The following NSUN5 variants were observed in gnomAD, a reference collection of about 807,000 sequenced individuals.
NSUN5 encodes NOP2/Sun RNA methyltransferase 5.
In NSUN5, 39 loss-of-function variants were observed where a neutral mutation model predicts 51.1. The ratio of observed to expected loss-of-function variants is 0.76; its 90% confidence interval spans 0.59 to 1.00. NSUN5 has a LOEUF of 1.00. NSUN5 is among the 50% of genes least tolerant of loss of function. The pLI, the probability that NSUN5 is intolerant of heterozygous loss-of-function variation, is 0.00. For synonymous variants in NSUN5, 266 were observed against 271.5 expected (o/e 0.98, Z 0.20); for missense variants, 526 against 614.0 (o/e 0.86, Z 1.51).
intron 7 of NSUN5, 47 bp from the exon 8 acceptor site, chr7:73,304,083 G>C: frequency 6.3e-7 from 1 of 1,598,970 alleles, no homozygotes; most frequent in Non-Finnish European, 8.6e-7. Context: ...GGCTACCTCA[G>C]TCCTGAAATC....
In NSUN5 at chr7:73,308,723, C is replaced by G. The variant is rs781948888; in HGVS notation, c.68G>C (p.Gly23Ala). 6.2e-7 allele frequency: 1 copy of G among 1,612,296 alleles called. No individual in the cohort carries two copies. Among genetic ancestry groups the G allele is most frequent in the Non-Finnish European group, 8.5e-7 (1 of 1,179,774 alleles). The change falls in exon 1 of 10, where the codon GGG (glycine) becomes GCG (alanine). Residue 23 changes from glycine to alanine, a missense_variant. Coordinates refer to ENST00000438747, the MANE Select transcript of NSUN5 (RefSeq NM_148956.4). ...GVESRQGSIK[G>A]LVYSSNFQNV... ...CTGGAAGTTGCTGGAGTACACCAAC[C>G]CCTTGATAGAGCCCTGGCGGCTCTC...
rs1563292596 is a variant in NSUN5, at chr7:73,307,692, C to G, written c.282G>C (p.Leu94=). ...FRGGGGRWKA[L]LGRHQARLKA... The stretch of plus-strand genomic sequence containing the variant: ...TGAGCCTCGCCTGGTGCCGGCCCAA[C>G]AGAGCCTTCCATCGGCCCCCACCCC... The change falls in exon 3 of 10, where the codon CTG becomes CTC. Residue 94 remains leucine, a synonymous_variant. Transcript: ENST00000438747. 1 of 1,609,132 alleles carries G rather than the reference C, an allele frequency of 6.2e-7. No homozygotes were observed. The highest frequency in any genetic ancestry group is 1.1e-5 in the South Asian group (1 of 90,510).
intron 6 of NSUN5, 103 bp from the exon 7 acceptor site, chr7:73,304,511 G>A (rs1304695095): frequency 1.0e-4 from 121 of 1,192,892 alleles, no homozygotes; most frequent in Non-Finnish European, 1.4e-4. Context: ...ATATTGAAAC[G>A]GCCTACGTTT....
Position 73,304,736 on chromosome 7 carries a change from G to A in NSUN5, c.755+11C>T, listed in dbSNP as rs1554541525. The A allele has an allele frequency of 2.5e-6, 4 of 1,583,206 alleles. No homozygotes were observed. In the South Asian group the frequency reaches 4.4e-5, roughly 18 times the overall value. Reference sequence around the variant, plus strand: ...AACCCCATGTCCTCCTCCTCCTCCTGTGGCACTCACCCTTGGTTCTTCAGA... The same window carrying A: ...AACCCCATGTCCTCCTCCTCCTCCTATGGCACTCACCCTTGGTTCTTCAGA... On this transcript the variant is annotated intron_variant, in intron 6 of 9. Coordinates refer to ENST00000438747, the MANE Select transcript of NSUN5 (RefSeq NM_148956.4).
rs1804144634 is a variant in NSUN5 at position 73,308,559 on chromosome 7, T to C, written c.94-6A>G. 1.9e-6 allele frequency: 3 copies of C among 1,595,510 alleles called. No individual in the cohort carries two copies. Among genetic ancestry groups the C allele is most frequent in the Admixed American group, 1.7e-5 (1 of 59,528 alleles). Reference sequence around the variant, plus strand: ...GCGTACAGCTGCTTCACGTTCTGTGTGGCCGAGGAAGACAAGCTGGGTGGG... The same window carrying C: ...GCGTACAGCTGCTTCACGTTCTGTGCGGCCGAGGAAGACAAGCTGGGTGGG... On this transcript the variant is annotated splice_polypyrimidine_tract_variant and splice_region_variant and intron_variant, in intron 1 of 9. Transcript: ENST00000438747.
In NSUN5 at chr7:73,304,412, G is replaced by A. The variant is rs1803949971; in HGVS notation, c.756-4C>T. On this transcript the variant is annotated splice_polypyrimidine_tract_variant and splice_region_variant and intron_variant, in intron 6 of 9. Transcript: ENST00000438747. ...CAGGTCAAAGGCAAAGATCTTCCTA[G>A]GGCAAAGCAGGGGTGAGCTGAGCAC... 6.2e-7 allele frequency: 1 copy of A among 1,607,718 alleles called. No individual in the cohort carries two copies. Among genetic ancestry groups the A allele is most frequent in the Non-Finnish European group, 8.5e-7 (1 of 1,176,774 alleles).
chr7:73,308,430 C>T lies in NSUN5; in HGVS notation c.216+1G>A. On this transcript the variant is annotated splice_donor_variant, in intron 2 of 9. Transcript: ENST00000438747. LOFTEE classifies it high-confidence loss of function. ...CTTCCCCGTCCCTCCCCTCCCCTCA[C>T]CTTGGCCAGGTGCGGCCGCAGCTTC... 1.3e-6 allele frequency: 2 copies of T among 1,599,582 alleles called. No homozygotes were observed. The highest frequency in any genetic ancestry group is 1.7e-6 in the Non-Finnish European group (2 of 1,171,242).
At chr7:73,304,116 T>C in intron 7 of NSUN5, 80 bp from the exon 8 acceptor site, 1 of 1,574,742 alleles carries the variant, frequency 6.4e-7, no homozygotes. Context: ...AGGAGAACTT[T>C]TGTCCCAGGG....
chr7:73,303,404 C>T lies in NSUN5; in HGVS notation c.*11G>A, dbSNP rs4031006. 4,565 of 1,613,644 alleles carry T rather than the reference C, an allele frequency of 2.8e-3. 137 individuals carry two copies. In the African/African-American group the frequency reaches 0.051, roughly 18 times the overall value. On this transcript the variant is annotated 3_prime_UTR_variant, in exon 10 of 10. Coordinates refer to ENST00000438747, the MANE Select transcript of NSUN5 (RefSeq NM_148956.4). ...CTTTCCCACCAGGAAGGAGTCAGCC[C>T]GGAGCCTCTGCTATGTGCAAGGCGG...
In NSUN5 at chr7:73,303,725, C is replaced by T. The variant is rs1554541173; in HGVS notation, c.1161G>A (p.Leu387=). Residue 387 remains leucine, a synonymous_variant, in exon 9 of 10, where the codon CTG becomes CTA. Coordinates refer to ENST00000438747, the MANE Select transcript of NSUN5 (RefSeq NM_148956.4). ...TCAGGCCTCGGTGGGGCCAGGCAGG[C>T]AGGGCGGGAGCTAGCCTGCAAGAGA... The part of the protein sequence containing the change: ...NPGAFRLAPA[L]PAWPHRGLST... 6.2e-7 allele frequency: 1 copy of T among 1,614,070 alleles called. No homozygotes were observed. The highest frequency in any genetic ancestry group is 8.5e-7 in the Non-Finnish European group (1 of 1,179,984).
At position 73,303,998 on chromosome 7, in the gene NSUN5, T is replaced by A. The variant is rs1464302630; in HGVS notation, c.973A>T (p.Thr325Ser). The change falls in exon 8 of 10, where the codon ACA becomes TCA. Residue 325 changes from threonine (T) to serine (S), a missense_variant. Transcript: ENST00000438747. ...SRQLEEPGAGTPSPVRLHALA... is the reference protein window; with the variant it reads ...SRQLEEPGAGSPSPVRLHALA... ...GCATGCAGACGCACCGGGCTAGGTG[T>A]GCCTGCCCCGGGCTCCTCCAGCTGT... is the stretch of plus-strand genomic sequence containing the variant. 2.5e-6 allele frequency: 4 copies of A among 1,614,006 alleles called. No individual in the cohort carries two copies. In the East Asian group the frequency reaches 8.9e-5, roughly 36 times the overall value.
Position 73,307,323 on chromosome 7 carries a change from T to C in NSUN5, c.500+71A>G, listed in dbSNP as rs1586463792. ...AGCCCAGAGAGCAAAGTCACAACTA[T>C]CCAGCCACTTCTCTTCCCAATACCC... On this transcript the variant is annotated intron_variant, in intron 4 of 9. Transcript: ENST00000438747. 9 of 1,116,846 alleles carry C rather than the reference T, an allele frequency of 8.1e-6. No individual in the cohort carries two copies. In the South Asian group the frequency reaches 1.2e-4, roughly 14 times the overall value. 69.2% of individuals were successfully genotyped at this position (1,116,846 alleles called of 1,614,324 possible).
chr7:73,303,714 G>A lies in NSUN5; in HGVS notation c.1172C>T (p.Pro391Leu), dbSNP rs782647287. The change falls in exon 9 of 10, where the codon CCC becomes CTC. Residue 391 changes from proline to leucine, a missense_variant. By Grantham distance (98) the Pro-to-Leu change is moderately conservative (BLOSUM62 -3). Transcript: ENST00000438747. ...CGGGAACGTGCTCAGGCCTCGGTGG[G>A]GCCAGGCAGGCAGGGCGGGAGCTAG... ...FRLAPALPAW[P>L]HRGLSTFPGA... 2 of 1,613,976 alleles carry A rather than the reference G, an allele frequency of 1.2e-6. No individual in the cohort carries two copies. The highest frequency in any genetic ancestry group is 2.2e-5 in the East Asian group (1 of 44,886).
At chr7:73,306,723 T>C (rs561462047) in intron 4 of NSUN5, among the ~76,000 whole-genome samples, 2 of 151,960 alleles carry the variant, frequency 1.3e-5, no homozygotes, top group African/African-American at 4.8e-5. Context: ...CTACTGCAAA[T>C]ACAAAAATTA....
At position 73,303,743 on chromosome 7, in the gene NSUN5, G is replaced by A. The variant is rs1554541181; in HGVS notation, c.1146-3C>T. 1.9e-6 allele frequency: 3 copies of A among 1,614,050 alleles called. No homozygotes were observed. Among genetic ancestry groups the A allele is most frequent in the Non-Finnish European group, 2.5e-6 (3 of 1,179,946 alleles). ...AGGCAGGCAGGGCGGGAGCTAGCCTGCAAGAGAAACGGCCCCAATGCTGGG... is the reference window on the plus strand; with the variant it reads ...AGGCAGGCAGGGCGGGAGCTAGCCTACAAGAGAAACGGCCCCAATGCTGGG... On this transcript the variant is annotated splice_polypyrimidine_tract_variant and splice_region_variant and intron_variant, in intron 8 of 9. Coordinates refer to ENST00000438747, the MANE Select transcript of NSUN5 (RefSeq NM_148956.4).
At chr7:73,307,550 G>GCCGC in intron 3 of NSUN5, 33 bp downstream of exon 3, 2 of 1,165,556 alleles carry the variant, frequency 1.7e-6, no homozygotes, top group Non-Finnish European at 2.5e-6. Flanking sequence ...AAAGTTCCCC[G>GCCGC]CCTCCCCCAC....
In NSUN5 at chr7:73,308,368, T is replaced by A. The variant is rs1804131417; in HGVS notation, c.216+63A>T. 9.8e-6 allele frequency: 15 copies of A among 1,534,352 alleles called. No individual in the cohort carries two copies. In the Admixed American group the frequency reaches 2.6e-4, roughly 26 times the overall value. ...GTCCCGCCGTGCACGGCAGCAGAGC[T>A]GAGACCAGATGACAAAGCGCTGACC... On this transcript the variant is annotated intron_variant, in intron 2 of 9. Transcript: ENST00000438747.
rs1330250858 is a variant in NSUN5, at chr7:73,303,709, G to A, written c.1177C>T (p.Arg393Ter). The A allele has an allele frequency of 6.8e-6, 11 of 1,614,030 alleles. No individual in the cohort carries two copies. The highest frequency in any genetic ancestry group is 4.0e-5 in the African/African-American group (3 of 74,950). The part of the protein sequence containing the change: ...LAPALPAWPH[R>*]GLSTFPGAEH... ...GCACCCGGGAACGTGCTCAGGCCTC[G>A]GTGGGGCCAGGCAGGCAGGGCGGGA... Residue 393 changes from arginine to a stop codon, truncating the protein, a stop_gained, in exon 9 of 10, where the codon CGA (arginine) becomes TGA (stop). Transcript: ENST00000438747. LOFTEE classifies it high-confidence loss of function.
Position 73,304,231 on chromosome 7 carries a change from C to A in NSUN5, c.933G>T (p.Ser311=), listed in dbSNP as rs782738218. 4 of 1,606,796 alleles carry A rather than the reference C, an allele frequency of 2.5e-6. No individual in the cohort carries two copies. Among genetic ancestry groups the A allele is most frequent in the Non-Finnish European group, 3.4e-6 (4 of 1,175,988 alleles). ...GGCCACGCTTTCTCGCCATCTCACCCGAGCCACTGCAGGAAGGATCCAGCA... is the reference window on the plus strand; with the variant it reads ...GGCCACGCTTTCTCGCCATCTCACCAGAGCCACTGCAGGAAGGATCCAGCA... ...YILLDPSCSG[S]GMPSRQLEEP... is the part of the protein sequence containing the mutation. The change falls in exon 7 of 10, where the codon TCG becomes TCT. Residue 311 remains serine, a splice_region_variant and synonymous_variant. Coordinates refer to ENST00000438747, the MANE Select transcript of NSUN5 (RefSeq NM_148956.4).
Sources: gnomAD v4.1 joint callset for allele counts (sites outside exome capture counted in the v4.1 genomes callset) on GRCh38, gnomAD v4.1.1 for gene constraint, MANE v1.5 for transcripts, NCBI Gene and HGNC (gene_info 2026-07-23, HGNC 2026-07-21) for gene names.